Variants in FKRP observed in about 807,000 individuals in gnomAD.
FKRP encodes fukutin related protein.
Under a neutral mutation model 30.6 loss-of-function variants are expected in FKRP, and 25 were observed. The ratio of observed to expected loss-of-function variants is 0.82; its 90% CI spans 0.60 to 1.14. The LOEUF is 1.14. Among genes scored for constraint, FKRP ranks in the 50% most tolerant of loss-of-function variants. The pLI is 0.00. For missense variants in FKRP, 771 were observed against 727.8 expected (o/e 1.06, Z -0.68); for synonymous variants, 358 against 342.5 (o/e 1.05, Z -0.50).
intron 3 of FKRP, among the ~76,000 whole-genome samples, chr19:46,752,138 C>T (rs1005458911): frequency 6.6e-6 from 1 of 152,140 alleles, no homozygotes; most frequent in Non-Finnish European, 1.5e-5. Context: ...CATTGAGTAC[C>T]TTGGCTTTTC....
At chr19:46,746,429 A>G (rs2122483261) in intron 1 of FKRP, 1 of 1,013,744 alleles carries the variant, frequency 9.9e-7, no homozygotes, top group Non-Finnish European at 1.2e-6. Flanking sequence ...CTCCTCCATC[A>G]TGGAGGCCCC....
At chr19:46,745,797 T>C (rs1288105378), upstream of FKRP, 1 of 194,568 alleles carries the variant, frequency 5.1e-6, no homozygotes, top group East Asian at 1.3e-4. Flanking sequence ...AGGGCTCGAG[T>C]CGCCTCTCTC....
intron 3 of FKRP, among the ~76,000 whole-genome samples, chr19:46,749,327 T>A (rs2054737814): frequency 6.6e-6 from 1 of 151,672 alleles, no homozygotes; most frequent in Non-Finnish European, 1.5e-5. Flanking sequence ...GCTTCTTGGA[T>A]CAACTCTTGG....
At chr19:46,754,688 C>A (rs1358577476) in intron 3 of FKRP, among the ~76,000 whole-genome samples, 4 of 151,956 alleles carry the variant, frequency 2.6e-5, no homozygotes, top group Non-Finnish European at 5.9e-5. Flanking sequence ...CTCACTGCAA[C>A]CTCCATCTCT....
Position 46,756,827 on chromosome 19 carries a change from G to A in FKRP, c.1377G>A (p.Ala459=). The A allele has an allele frequency of 1.3e-6, 2 of 1,599,006 alleles. No individual in the cohort carries two copies. The highest frequency in any genetic ancestry group is 2.3e-5 in the East Asian group (1 of 44,226). The change falls in exon 4 of 4, where the codon GCG becomes GCA. Residue 459 remains alanine, a synonymous_variant. Transcript: ENST00000318584. This position sits in a 1 kb window ranked among gnomAD's most constrained non-coding sequence, Gnocchi z 6.6. ...LVPLPFAGFV[A]QAPNNYRRFL... is the part of the protein sequence containing the mutation. ...CCCTGCCCTTTGCCGGCTTCGTGGCGCAGGCGCCTAACAACTACCGCCGCT... is the reference window on the plus strand; with the variant it reads ...CCCTGCCCTTTGCCGGCTTCGTGGCACAGGCGCCTAACAACTACCGCCGCT...
intron 3 of FKRP, among the ~76,000 whole-genome samples, chr19:46,751,720 C>T (rs1479753269): frequency 2.6e-5 from 4 of 152,064 alleles, no homozygotes; most frequent in African/African-American, 4.8e-5. Flanking sequence ...CGCCCGCCAC[C>T]GCGCCTGGCT....
At chr19:46,746,055 G>GCCCTTGCT, upstream of FKRP, 1 of 1,257,888 alleles carries the variant, frequency 7.9e-7, no homozygotes, top group Non-Finnish European at 1.0e-6. Context: ...CGTCCCGGCG[G>GCCCTTGCT]CCATTGCTCC....
chr19:46,750,417 C>G (rs1323234418), intron 3 of FKRP, among the ~76,000 whole-genome samples: 3 of 152,242 alleles, frequency 2.0e-5, no homozygotes, highest in African/African-American at 7.2e-5. Flanking sequence ...CTGCTGGGCA[C>G]CTCCTTCCTG....
Position 46,757,096 on chromosome 19 carries a change from C to A in FKRP, c.*158C>A. ...GAGCATGAGAGAAGGCTGGCATTGG[C>A]AGGAGGAGAGCACCAGGACGAGGAT... On this transcript the variant is annotated 3_prime_UTR_variant, in exon 4 of 4. Coordinates refer to ENST00000318584, the MANE Select transcript of FKRP (RefSeq NM_024301.5). 2.0e-6 allele frequency: 2 copies of A among 993,860 alleles called. No individual in the cohort carries two copies. The highest frequency in any genetic ancestry group is 3.1e-6 in the Non-Finnish European group (2 of 653,004). 61.6% of individuals were successfully genotyped at this position (993,860 alleles called of 1,614,324 possible). A position where few individuals can be genotyped will look rare whatever the true frequency, so the allele number is the denominator to read the frequency against.
chr19:46,746,041 C>G (rs1249769251), upstream of FKRP: 3 of 1,184,138 alleles, frequency 2.5e-6, no homozygotes, highest in East Asian at 3.5e-5. Flanking sequence ...GCCCCCCCGC[C>G]GGCCGTCCCG....
In FKRP at chr19:46,756,295, G is replaced by C. The variant is rs775795075; in HGVS notation, c.845G>C (p.Gly282Ala). 11 of 1,534,582 alleles carry C rather than the reference G, an allele frequency of 7.2e-6. No individual in the cohort carries two copies. In the Middle Eastern group the frequency reaches 1.3e-3, roughly 187 times the overall value. Residue 282 changes from glycine to alanine, a missense_variant, in exon 4 of 4, where the codon GGG becomes GCG. Gly to Ala is a moderately conservative substitution (Grantham distance 60, BLOSUM62 0). Transcript: ENST00000318584. The surrounding 1 kb of genome is among the most constrained non-coding windows in gnomAD (Gnocchi z 6.6). Reference protein sequence around the residue: ...LGIRLVSWEGGRLEWFGCNKE... With the variant: ...LGIRLVSWEGARLEWFGCNKE... ...ATCCGCCTAGTGAGCTGGGAAGGCG[G>C]GCGGCTGGAGTGGTTCGGCTGCAAC...
At chr19:46,744,782 C>T (rs2054544849), upstream of FKRP, among the ~76,000 whole-genome samples, 1 of 151,852 alleles carries the variant, frequency 6.6e-6, no homozygotes, top group East Asian at 1.9e-4. Context: ...CTGCTACAAG[C>T]AGGTAATGAC....
rs541389164 is a variant in FKRP, at chr19:46,749,634, G to A, written c.-40+969G>A. ...CAGCTACTCAGGAGGCGGAGGCAGGGGAATCCCTTGAACCAGGGAGTTGGA... is the reference window on the plus strand; with the variant it reads ...CAGCTACTCAGGAGGCGGAGGCAGGAGAATCCCTTGAACCAGGGAGTTGGA... On this transcript the variant is annotated intron_variant, in intron 3 of 3. Transcript: ENST00000318584. Among the ~76,000 whole-genome samples, 38 of 151,032 alleles carry A rather than the reference G, an allele frequency of 2.5e-4. No homozygotes were observed. In the East Asian group the frequency reaches 6.9e-3, roughly 28 times the overall value.
chr19:46,755,826 G>C lies in FKRP; in HGVS notation c.376G>C (p.Val126Leu). The C allele has an allele frequency of 6.6e-7, 1 of 1,509,720 alleles. No individual in the cohort carries two copies. The highest frequency in any genetic ancestry group is 1.4e-5 in the African/African-American group (1 of 72,634). The allele number at this position is 1,509,720 out of a possible 1,614,324, so 93.5% of individuals were successfully genotyped here. A position where few individuals can be genotyped will look rare whatever the true frequency, so the allele number is the denominator to read the frequency against. Residue 126 changes from valine (V) to leucine (L), a missense_variant, in exon 4 of 4, where the codon GTG becomes CTG. By Grantham distance (32) the Val-to-Leu change is conservative. Coordinates refer to ENST00000318584, the MANE Select transcript of FKRP (RefSeq NM_024301.5). ...GGAGACCTACGTGGCCACCGAGTTT[G>C]TGGCCCTAGTACCTGATGGGGCGCG... ...RPETYVATEF[V>L]ALVPDGARAE...
At chr19:46,749,938 A>T (rs1015189468) in intron 3 of FKRP, among the ~76,000 whole-genome samples, 1 of 151,738 alleles carries the variant, frequency 6.6e-6, no homozygotes, top group Non-Finnish European at 1.5e-5. Flanking sequence ...CTGGTCTCAA[A>T]CTCCCAGGCT....
At position 46,752,598 on chromosome 19, in the gene FKRP, C is replaced by T. The variant is rs532763348; in HGVS notation, c.-39-2814C>T. On this transcript the variant is annotated intron_variant, in intron 3 of 3. Transcript: ENST00000318584. ...AGATTAGAAAGGACATGGTGACTCA[C>T]GCCTGTAATCCTGGCACTTTGGGAG... Among the ~76,000 whole-genome samples the T allele has an allele frequency of 5.9e-5, 9 of 152,262 alleles. No homozygotes were observed. In the South Asian group the frequency reaches 1.0e-3, roughly 18 times the overall value.
At position 46,756,717 on chromosome 19, in the gene FKRP, C is replaced by T; in HGVS notation, c.1267C>T (p.Arg423Cys). The T allele has an allele frequency of 6.2e-7, 1 of 1,611,660 alleles. No individual in the cohort carries two copies. Among genetic ancestry groups the T allele is most frequent in the Non-Finnish European group, 8.5e-7 (1 of 1,179,084 alleles). Residue 423 changes from arginine to cysteine, a missense_variant, in exon 4 of 4, where the codon CGC becomes TGC. Coordinates refer to ENST00000318584, the MANE Select transcript of FKRP (RefSeq NM_024301.5). The surrounding 1 kb of genome is among the most constrained non-coding windows in gnomAD (Gnocchi z 6.6). ...CGTGGACCTGTGGCCCTTCTACCCC[C>T]GCAATGGCGTCATGACCAAGGACAC... ...LHVDLWPFYPRNGVMTKDTWL... is the reference protein window; with the variant it reads ...LHVDLWPFYPCNGVMTKDTWL...
At chr19:46,752,796 T>G (rs1204804460) in intron 3 of FKRP, among the ~76,000 whole-genome samples, 1 of 150,820 alleles carries the variant, frequency 6.6e-6, no homozygotes, top group Non-Finnish European at 1.5e-5. Context: ...ACACAGGAAT[T>G]CGAGGCTGCA....
chr19:46,746,544 A>G (rs2122489967), intron 1 of FKRP: 6 of 497,048 alleles, frequency 1.2e-5, no homozygotes, highest in Non-Finnish European at 1.5e-5. Flanking sequence ...GGCGGGGGAC[A>G]GTAGGAAGGG....
Sources: allele counts gnomAD v4.1 joint callset (sites outside exome capture counted in the v4.1 genomes callset), GRCh38; gene constraint gnomAD v4.1.1; non-coding constraint Gnocchi (gnomAD v3.1); transcripts MANE v1.5; gene names NCBI Gene and HGNC (gene_info 2026-07-23, HGNC 2026-07-21).